The following H2AC15 variants were observed in gnomAD, a reference collection of about 807,000 sequenced individuals.
The protein encoded by H2AC15 is histone H2A type 1.
In H2AC15, 7 loss-of-function variants were observed where a neutral mutation model predicts 7.8. The ratio of observed to expected loss-of-function variants is 0.90; its 90% confidence interval spans 0.51 to 1.69. The LOEUF (loss-of-function observed/expected upper bound fraction) is 1.69. H2AC15 is among the 40% of genes most tolerant of loss of function. The pLI, the probability that H2AC15 is intolerant of heterozygous loss-of-function variation, is 0.00. For missense variants in H2AC15, 234 were observed against 174.7 expected (o/e 1.34, Z -1.91); for synonymous variants, 125 against 79.3 (o/e 1.58, Z -3.06).
In H2AC15 at chr6:27,838,316, GC is replaced by G; in HGVS notation, c.23del (p.Gly8AlafsTer52). On this transcript the variant is annotated frameshift_variant, in exon 1 of 1. Transcript: ENST00000618958. LOFTEE classifies it high-confidence loss of function. ...TCTTAGCCTTGGCGCGAGCTTTGCCGCCCTGCTTGCCACGTCCCGACATGAC... is the reference window on the plus strand; with the variant it reads ...TCTTAGCCTTGGCGCGAGCTTTGCCGCCTGCTTGCCACGTCCCGACATGAC... MSGRGKQGGKARAKAKTR... is the reference protein window; with the variant it reads MSGRGKQXGKARAKAKTR... The G allele has an allele frequency of 6.3e-7, 1 of 1,590,792 alleles. No individual in the cohort carries two copies. Among genetic ancestry groups the G allele is most frequent in the Non-Finnish European group, 8.6e-7 (1 of 1,166,964 alleles).
chr6:27,838,130 C>G lies in H2AC15; in HGVS notation c.210G>C (p.Ala70=), dbSNP rs771829335. The G allele has an allele frequency of 1.2e-6, 2 of 1,614,142 alleles. No individual in the cohort carries two copies. The highest frequency in any genetic ancestry group is 1.1e-5 in the South Asian group (1 of 91,076). Residue 70 remains alanine, a synonymous_variant, in exon 1 of 1, where the codon GCG becomes GCC. Transcript: ENST00000618958. The part of the protein sequence containing the change: ...TAEILELAGN[A]ARDNKKTRII... ...TGCGGGTCTTCTTGTTGTCGCGGGC[C>G]GCGTTGCCAGCCAGTTCCAGGATCT...
rs1454534107 is a variant in H2AC15 at position 27,838,157 on chromosome 6, G to C, written c.183C>G (p.Ala61=). ...YLAAVLEYLT[A]EILELAGNAA... ...CGTTGCCAGCCAGTTCCAGGATCTC[G>C]GCGGTTAGGTACTCCAACACCGCCG... is the stretch of plus-strand genomic sequence containing the variant. The change falls in exon 1 of 1, where the codon GCC becomes GCG. Residue 61 remains alanine, a synonymous_variant. Coordinates refer to ENST00000618958, the MANE Select transcript of H2AC15 (RefSeq NM_003510.3). The C allele has an allele frequency of 6.2e-7, 1 of 1,614,120 alleles. No homozygotes were observed. Among genetic ancestry groups the C allele is most frequent in the Non-Finnish European group, 8.5e-7 (1 of 1,180,034 alleles).
chr6:27,837,967 G>C lies in H2AC15; in HGVS notation c.373C>G (p.His125Asp). The C allele has an allele frequency of 6.2e-7, 1 of 1,614,198 alleles. No homozygotes were observed. Among genetic ancestry groups the C allele is most frequent in the Non-Finnish European group, 8.5e-7 (1 of 1,180,036 alleles). Reference protein sequence around the residue: ...VLLPKKTESHHKAKGK With the variant: ...VLLPKKTESHDKAKGK Reference sequence around the variant, plus strand: ...CCCCGCTACTTGCCCTTGGCCTTGTGGTGGCTCTCAGTTTTCTTAGGCAGC... The same window carrying C: ...CCCCGCTACTTGCCCTTGGCCTTGTCGTGGCTCTCAGTTTTCTTAGGCAGC... Residue 125 changes from histidine to aspartate, a missense_variant, in exon 1 of 1, where the codon CAC becomes GAC. By Grantham distance (81) the His-to-Asp change is moderately conservative. Transcript: ENST00000618958.
In H2AC15 at chr6:27,838,279, T is replaced by C. The variant is rs777101543; in HGVS notation, c.61A>G (p.Arg21Gly). 9.9e-6 allele frequency: 16 copies of C among 1,612,476 alleles called. No homozygotes were observed. Among genetic ancestry groups the C allele is most frequent in the African/African-American group, 1.3e-5 (1 of 74,854 alleles). The change falls in exon 1 of 1, where the codon AGG becomes GGG. Residue 21 changes from arginine to glycine, a missense_variant. Coordinates refer to ENST00000618958, the MANE Select transcript of H2AC15 (RefSeq NM_003510.3). ...CCCACTGGGAACTGAAGACCCGCCC[T>C]TGAAGAACGGGTCTTAGCCTTGGCG... Reference protein sequence around the residue: ...ARAKAKTRSSRAGLQFPVGRV... With the variant: ...ARAKAKTRSSGAGLQFPVGRV...
In H2AC15 at chr6:27,838,194, G is replaced by C. The variant is rs554602359; in HGVS notation, c.146C>G (p.Pro49Arg). 1.9e-6 allele frequency: 3 copies of C among 1,613,968 alleles called. No individual in the cohort carries two copies. The highest frequency in any genetic ancestry group is 2.5e-6 in the Non-Finnish European group (3 of 1,180,036). ...CTCCAACACCGCCGCCAGGTACACC[G>C]GCGCTCCGGCACCGACCCGCTCAGC... ...NYAERVGAGA[P>R]VYLAAVLEYL... The change falls in exon 1 of 1, where the codon CCG (proline) becomes CGG (arginine). Residue 49 changes from proline (P) to arginine (R), a missense_variant. Transcript: ENST00000618958.
At position 27,838,265 on chromosome 6, in the gene H2AC15, C is replaced by G; in HGVS notation, c.75G>C (p.Gln25His). 1.9e-6 allele frequency: 3 copies of G among 1,613,118 alleles called. No individual in the cohort carries two copies. The highest frequency in any genetic ancestry group is 1.7e-6 in the Non-Finnish European group (2 of 1,179,410). The change falls in exon 1 of 1, where the codon CAG (glutamine) becomes CAC (histidine). Residue 25 changes from glutamine to histidine, a missense_variant. Coordinates refer to ENST00000618958, the MANE Select transcript of H2AC15 (RefSeq NM_003510.3). The part of the protein sequence containing the change: ...AKTRSSRAGL[Q>H]FPVGRVHRLL... ...GTCGGTGCACTCGGCCCACTGGGAACTGAAGACCCGCCCTTGAAGAACGGG... is the reference window on the plus strand; with the variant it reads ...GTCGGTGCACTCGGCCCACTGGGAAGTGAAGACCCGCCCTTGAAGAACGGG...
rs761136744 is a variant in H2AC15, at chr6:27,838,216, C to G, written c.124G>C (p.Glu42Gln). The change falls in exon 1 of 1, where the codon GAG becomes CAG. Residue 42 changes from glutamate (E) to glutamine (Q), a missense_variant. By Grantham distance (29) the Glu-to-Gln change is conservative. Coordinates refer to ENST00000618958, the MANE Select transcript of H2AC15 (RefSeq NM_003510.3). ...ACCGGCGCTCCGGCACCGACCCGCT[C>G]AGCGTAGTTGCCCTTGCGGAGCAGT... is the stretch of plus-strand genomic sequence containing the variant. ...HRLLRKGNYAERVGAGAPVYL... is the reference protein window; with the variant it reads ...HRLLRKGNYAQRVGAGAPVYL... 1 of 1,614,078 alleles carries G rather than the reference C, an allele frequency of 6.2e-7. No individual in the cohort carries two copies. Among genetic ancestry groups the G allele is most frequent in the Non-Finnish European group, 8.5e-7 (1 of 1,180,024 alleles).
Position 27,838,070 on chromosome 6 carries a change from G to A in H2AC15, c.270C>T (p.Asn90=), listed in dbSNP as rs1332194857. 2.5e-6 allele frequency: 4 copies of A among 1,614,232 alleles called. No individual in the cohort carries two copies. The highest frequency in any genetic ancestry group is 3.3e-5 in the Admixed American group (2 of 60,030). The change falls in exon 1 of 1, where the codon AAC becomes AAT. Residue 90 remains asparagine, a synonymous_variant. Coordinates refer to ENST00000618958, the MANE Select transcript of H2AC15 (RefSeq NM_003510.3). ...CAAGCAGCTTGTTGAGCTCCTCGTC[G>A]TTGCGGATGGCCAGCTGCAAGTGGC... ...IPRHLQLAIR[N]DEELNKLLGK... is the part of the protein sequence containing the mutation.
rs540089352 is a variant in H2AC15 at position 27,838,363 on chromosome 6, C to A, written c.-24G>T. ...ATGACGTAAAAAATTCAATCAGTAACGTTCCTGAGACTGACGTAACGCTAA... is the reference window on the plus strand; with the variant it reads ...ATGACGTAAAAAATTCAATCAGTAAAGTTCCTGAGACTGACGTAACGCTAA... On this transcript the variant is annotated 5_prime_UTR_variant, in exon 1 of 1. Coordinates refer to ENST00000618958, the MANE Select transcript of H2AC15 (RefSeq NM_003510.3). 6.4e-7 allele frequency: 1 copy of A among 1,557,386 alleles called. No individual in the cohort carries two copies. The highest frequency in any genetic ancestry group is 2.3e-5 in the East Asian group (1 of 44,442).
Position 27,838,237 on chromosome 6 carries a change from G to A in H2AC15, c.103C>T (p.Leu35Phe). ...QFPVGRVHRL[L>F]RKGNYAERVG... ...CGCTCAGCGTAGTTGCCCTTGCGGAGCAGTCGGTGCACTCGGCCCACTGGG... is the reference window on the plus strand; with the variant it reads ...CGCTCAGCGTAGTTGCCCTTGCGGAACAGTCGGTGCACTCGGCCCACTGGG... The change falls in exon 1 of 1, where the codon CTC becomes TTC. Residue 35 changes from leucine to phenylalanine, a missense_variant. Leu to Phe is a conservative substitution (Grantham distance 22). Coordinates refer to ENST00000618958, the MANE Select transcript of H2AC15 (RefSeq NM_003510.3). The A allele has an allele frequency of 6.2e-7, 1 of 1,613,994 alleles. No homozygotes were observed. The highest frequency in any genetic ancestry group is 8.5e-7 in the Non-Finnish European group (1 of 1,179,966).
chr6:27,838,200 C>T lies in H2AC15; in HGVS notation c.140G>A (p.Gly47Glu). 1 of 1,614,128 alleles carries T rather than the reference C, an allele frequency of 6.2e-7. No individual in the cohort carries two copies. The highest frequency in any genetic ancestry group is 1.1e-5 in the South Asian group (1 of 91,074). The change falls in exon 1 of 1, where the codon GGA (glycine) becomes GAA (glutamate). Residue 47 changes from glycine (G) to glutamate (E), a missense_variant. Physicochemically the swap from Gly to Glu is moderately conservative, Grantham distance 98. Coordinates refer to ENST00000618958, the MANE Select transcript of H2AC15 (RefSeq NM_003510.3). ...CACCGCCGCCAGGTACACCGGCGCTCCGGCACCGACCCGCTCAGCGTAGTT... is the reference window on the plus strand; with the variant it reads ...CACCGCCGCCAGGTACACCGGCGCTTCGGCACCGACCCGCTCAGCGTAGTT... Reference protein sequence around the residue: ...KGNYAERVGAGAPVYLAAVLE... With the variant: ...KGNYAERVGAEAPVYLAAVLE...
chr6:27,838,274 C>T lies in H2AC15; in HGVS notation c.66G>A (p.Ala22=), dbSNP rs1474339997. ...CTCGGCCCACTGGGAACTGAAGACC[C>T]GCCCTTGAAGAACGGGTCTTAGCCT... is the stretch of plus-strand genomic sequence containing the variant. ...RAKAKTRSSR[A]GLQFPVGRVH... The change falls in exon 1 of 1, where the codon GCG becomes GCA. Residue 22 remains alanine, a synonymous_variant. Transcript: ENST00000618958. 1.2e-6 allele frequency: 2 copies of T among 1,612,508 alleles called. No homozygotes were observed. The highest frequency in any genetic ancestry group is 2.2e-5 in the East Asian group (1 of 44,812).
Position 27,838,231 on chromosome 6 carries a change from T to G in H2AC15, c.109A>C (p.Lys37Gln). The change falls in exon 1 of 1, where the codon AAG becomes CAG. Residue 37 changes from lysine to glutamine, a missense_variant. Coordinates refer to ENST00000618958, the MANE Select transcript of H2AC15 (RefSeq NM_003510.3). Reference protein sequence around the residue: ...PVGRVHRLLRKGNYAERVGAG... With the variant: ...PVGRVHRLLRQGNYAERVGAG... ...CCGACCCGCTCAGCGTAGTTGCCCT[T>G]GCGGAGCAGTCGGTGCACTCGGCCC... is the stretch of plus-strand genomic sequence containing the variant. 6.2e-7 allele frequency: 1 copy of G among 1,614,024 alleles called. No individual in the cohort carries two copies. The highest frequency in any genetic ancestry group is 8.5e-7 in the Non-Finnish European group (1 of 1,179,992).
Position 27,838,368 on chromosome 6 carries a change from C to T in H2AC15, c.-29G>A. Reference sequence around the variant, plus strand: ...GTAAAAAATTCAATCAGTAACGTTCCTGAGACTGACGTAACGCTAAAGCTC... The same window carrying T: ...GTAAAAAATTCAATCAGTAACGTTCTTGAGACTGACGTAACGCTAAAGCTC... On this transcript the variant is annotated 5_prime_UTR_variant, in exon 1 of 1. Transcript: ENST00000618958. 1 of 1,552,078 alleles carries T rather than the reference C, an allele frequency of 6.4e-7. No individual in the cohort carries two copies. The highest frequency in any genetic ancestry group is 8.7e-7 in the Non-Finnish European group (1 of 1,150,546).
chr6:27,838,239 A>C lies in H2AC15; in HGVS notation c.101T>G (p.Leu34Arg), dbSNP rs755949889. 4 of 1,613,898 alleles carry C rather than the reference A, an allele frequency of 2.5e-6. No individual in the cohort carries two copies. Among genetic ancestry groups the C allele is most frequent in the Non-Finnish European group, 1.7e-6 (2 of 1,180,000 alleles). Residue 34 changes from leucine (L) to arginine (R), a missense_variant, in exon 1 of 1, where the codon CTG (leucine) becomes CGG (arginine). Physicochemically the swap from Leu to Arg is moderately radical, Grantham distance 102. Transcript: ENST00000618958. ...LQFPVGRVHRLLRKGNYAERV... is the reference protein window; with the variant it reads ...LQFPVGRVHRRLRKGNYAERV... ...CTCAGCGTAGTTGCCCTTGCGGAGC[A>C]GTCGGTGCACTCGGCCCACTGGGAA...
In H2AC15 at chr6:27,837,930, G is replaced by A. The variant is rs766510578; in HGVS notation, c.*17C>T. On this transcript the variant is annotated 3_prime_UTR_variant, in exon 1 of 1. Coordinates refer to ENST00000618958, the MANE Select transcript of H2AC15 (RefSeq NM_003510.3). The stretch of plus-strand genomic sequence containing the variant: ...TGGTTTGGACCGAGGTATGAGTAAT[G>A]AACTGCTCCAGCCCCGCTACTTGCC... The A allele has an allele frequency of 1.9e-6, 3 of 1,613,646 alleles. No homozygotes were observed. Among genetic ancestry groups the A allele is most frequent in the Non-Finnish European group, 2.5e-6 (3 of 1,179,766 alleles).
At position 27,838,186 on chromosome 6, in the gene H2AC15, G is replaced by A. The variant is rs1761069258; in HGVS notation, c.154C>T (p.Leu52=). 2 of 1,614,162 alleles carry A rather than the reference G, an allele frequency of 1.2e-6. No individual in the cohort carries two copies. The highest frequency in any genetic ancestry group is 1.7e-6 in the Non-Finnish European group (2 of 1,180,036). Residue 52 remains leucine, a synonymous_variant, in exon 1 of 1, where the codon CTG becomes TTG. Transcript: ENST00000618958. The part of the protein sequence containing the change: ...ERVGAGAPVY[L]AAVLEYLTAE... ...GTTAGGTACTCCAACACCGCCGCCA[G>A]GTACACCGGCGCTCCGGCACCGACC... is the stretch of plus-strand genomic sequence containing the variant.
rs1483734853 is a variant in H2AC15, at chr6:27,837,968, G to A, written c.372C>T (p.His124=). 1 of 1,614,220 alleles carries A rather than the reference G, an allele frequency of 6.2e-7. No individual in the cohort carries two copies. The highest frequency in any genetic ancestry group is 1.3e-5 in the African/African-American group (1 of 75,054). ...AVLLPKKTES[H]HKAKGK is the part of the protein sequence containing the mutation. ...CCCGCTACTTGCCCTTGGCCTTGTG[G>A]TGGCTCTCAGTTTTCTTAGGCAGCA... Residue 124 remains histidine, a synonymous_variant, in exon 1 of 1, where the codon CAC becomes CAT. Coordinates refer to ENST00000618958, the MANE Select transcript of H2AC15 (RefSeq NM_003510.3).
At position 27,838,272 on chromosome 6, in the gene H2AC15, C is replaced by T; in HGVS notation, c.68G>A (p.Gly23Asp). The T allele has an allele frequency of 1.9e-6, 3 of 1,612,846 alleles. No individual in the cohort carries two copies. Among genetic ancestry groups the T allele is most frequent in the Non-Finnish European group, 2.5e-6 (3 of 1,179,192 alleles). ...AKAKTRSSRA[G>D]LQFPVGRVHR... ...CACTCGGCCCACTGGGAACTGAAGACCCGCCCTTGAAGAACGGGTCTTAGC... is the reference window on the plus strand; with the variant it reads ...CACTCGGCCCACTGGGAACTGAAGATCCGCCCTTGAAGAACGGGTCTTAGC... Residue 23 changes from glycine to aspartate, a missense_variant, in exon 1 of 1, where the codon GGT (glycine) becomes GAT (aspartate). Transcript: ENST00000618958.
Sources: allele counts gnomAD v4.1 joint callset, GRCh38; gene constraint gnomAD v4.1.1; transcripts MANE v1.5; gene names NCBI Gene and HGNC (gene_info 2026-07-23, HGNC 2026-07-21).